Variants in KDM2B observed in about 807,000 individuals in gnomAD.
The protein encoded by KDM2B is lysine-specific demethylase 2B.
KDM2B carries 26 observed loss-of-function variants against 150.0 expected under a neutral mutation model. That is an observed-to-expected ratio of 0.17 (90% CI 0.13 to 0.24). The LOEUF is 0.24. Among genes scored for constraint, KDM2B ranks in the 10% least tolerant of loss-of-function variants. The pLI, the probability that KDM2B is intolerant of heterozygous loss-of-function variation, is 1.00. For synonymous variants in KDM2B, 734 were observed against 729.5 expected (o/e 1.01, Z -0.10); for missense variants, 1,265 against 1,816.9 (o/e 0.70, Z 5.52).
intron 9 of KDM2B, among the ~76,000 whole-genome samples, chr12:121,519,331 G>A (rs999656865): frequency 6.6e-6 from 1 of 152,214 alleles, no homozygotes; most frequent in South Asian, 2.1e-4. Flanking sequence ...GTGCCCTTGT[G>A]AGACCTCTCC....
At chr12:121,426,711 C>G (rs781813823), downstream of KDM2B, among the ~76,000 whole-genome samples, 2 of 150,794 alleles carry the variant, frequency 1.3e-5, no homozygotes, top group African/African-American at 4.9e-5. Flanking sequence ...TCGCAACCTC[C>G]GCTTCCCAGG....
At chr12:121,536,035 C>T in intron 6 of KDM2B, 1 of 985,666 alleles carries the variant, frequency 1.0e-6, no homozygotes, top group Non-Finnish European at 1.2e-6. Flanking sequence ...TTCCCCGCTG[C>T]ACTTTGCCTT....
At chr12:121,536,472 C>CA (rs1888108313) in intron 6 of KDM2B, among the ~76,000 whole-genome samples, 2 of 152,330 alleles carry the variant, frequency 1.3e-5, no homozygotes, top group South Asian at 4.1e-4. Flanking sequence ...ACACCGTCCT[C>CA]ACCTGTAGGC....
intron 22 of KDM2B, among the ~76,000 whole-genome samples, 153 bp downstream of exon 22, chr12:121,439,701 GTGT>G (rs1473589647): frequency 6.6e-6 from 1 of 152,158 alleles, no homozygotes; most frequent in Admixed American, 6.5e-5. Context: ...TTTGTTTACT[GTGT>G]TTCCCCCCTG....
chr12:121,467,474 C>A lies in KDM2B; in HGVS notation c.1735-14130G>T. 1 of 479,612 alleles carries A rather than the reference C, an allele frequency of 2.1e-6. No individual in the cohort carries two copies. Among genetic ancestry groups the A allele is most frequent in the Non-Finnish European group, 2.7e-6 (1 of 370,276 alleles). 29.7% of individuals were successfully genotyped at this position (479,612 alleles called of 1,614,324 possible). A position where few individuals can be genotyped will look rare whatever the true frequency, so the allele number is the denominator to read the frequency against. On this transcript the variant is annotated intron_variant, in intron 12 of 22. Coordinates refer to ENST00000377071, the MANE Select transcript of KDM2B (RefSeq NM_032590.5). The surrounding 1 kb of genome is among the most constrained non-coding windows in gnomAD (Gnocchi z 5.1). ...GGGCTGGCCCCCCGGGCGGGCGGGC[C>A]AATGGCGCGGCCGCGGCGCTGGGGC...
intron 19 of KDM2B, 65 bp from the exon 20 acceptor site, chr12:121,441,298 G>A: frequency 2.0e-6 from 3 of 1,500,020 alleles, no homozygotes; most frequent in Non-Finnish European, 2.7e-6. Context: ...CCCACACACA[G>A]CTCTTAACTG....
At chr12:121,471,181 T>C (rs1442809160) in intron 12 of KDM2B, among the ~76,000 whole-genome samples, 1 of 152,110 alleles carries the variant, frequency 6.6e-6, no homozygotes, top group African/African-American at 2.4e-5. Context: ...TGCTTTTGGG[T>C]GGCCCTCCCT....
At chr12:121,479,566 T>A (rs544928563) in intron 12 of KDM2B, among the ~76,000 whole-genome samples, 1 of 152,108 alleles carries the variant, frequency 6.6e-6, no homozygotes, top group African/African-American at 2.4e-5. Flanking sequence ...AGTTCGAGGC[T>A]GCAGTCAGCA....
At chr12:121,445,171 C>T (rs1203079424) in intron 14 of KDM2B, 104 bp downstream of exon 14, 2 of 1,387,798 alleles carry the variant, frequency 1.4e-6, no homozygotes, top group Admixed American at 1.9e-5. Flanking sequence ...AGGGGTCCTC[C>T]AGGAATTCAC....
At chr12:121,563,855 C>G (rs1594136970) in intron 4 of KDM2B, among the ~76,000 whole-genome samples, 1 of 151,796 alleles carries the variant, frequency 6.6e-6, no homozygotes, top group African/African-American at 2.4e-5. Flanking sequence ...CCAGATCACA[C>G]CACTGCACTC....
At chr12:121,571,573 C>T (rs781809912) in intron 4 of KDM2B, among the ~76,000 whole-genome samples, 2 of 151,940 alleles carry the variant, frequency 1.3e-5, no homozygotes, top group Non-Finnish European at 2.9e-5. Flanking sequence ...GGATTACAGG[C>T]GTGAGCCACC....
chr12:121,507,891 G>T (rs770331277), intron 11 of KDM2B, among the ~76,000 whole-genome samples: 3 of 152,066 alleles, frequency 2.0e-5, no homozygotes, highest in Non-Finnish European at 2.9e-5. Flanking sequence ...TGCACCTGTA[G>T]TCCCAGCTAC....
chr12:121,473,720 C>A (rs115679790), intron 12 of KDM2B, among the ~76,000 whole-genome samples: 430 of 122,374 alleles, frequency 3.5e-3, no homozygotes, highest in Middle Eastern at 0.017. Context: ...ACTCCCAACT[C>A]AAAAAAAAAA....
chr12:121,528,494 G>T (rs1197314841), intron 8 of KDM2B, among the ~76,000 whole-genome samples: 2 of 152,022 alleles, frequency 1.3e-5, no homozygotes, highest in African/African-American at 4.8e-5. Flanking sequence ...GGGAGGTGGA[G>T]GTTGCAGTGA....
At chr12:121,581,966 A>G (rs1891982685), upstream of KDM2B, among the ~76,000 whole-genome samples, 2 of 152,140 alleles carry the variant, frequency 1.3e-5, no homozygotes, top group African/African-American at 4.8e-5. Flanking sequence ...GTTTTCATTC[A>G]TGTTCACTAG....
chr12:121,426,315 A>G (rs1025997828), downstream of KDM2B, among the ~76,000 whole-genome samples: 1 of 152,126 alleles, frequency 6.6e-6, no homozygotes, highest in Non-Finnish European at 1.5e-5. Context: ...TTAGCCAGAT[A>G]ATAGAAATGT....
the KDM2B span, chr12:121,423,299 A>C: frequency 9.9e-7 from 1 of 1,013,260 alleles, no homozygotes; most frequent in South Asian, 1.6e-5. The surrounding 1 kb of genome is among the most constrained non-coding windows in gnomAD (Gnocchi z 4.3). Flanking sequence ...GTCATTCAGC[A>C]GGTGGCTGCT....
chr12:121,473,102 G>C (rs1880940036), intron 12 of KDM2B, among the ~76,000 whole-genome samples: 1 of 152,128 alleles, frequency 6.6e-6, no homozygotes, highest in African/African-American at 2.4e-5. Flanking sequence ...TTCAAAATGA[G>C]ATGACAGGTT....
chr12:121,526,896 G>A (rs1887184278), intron 8 of KDM2B, among the ~76,000 whole-genome samples: 1 of 151,978 alleles, frequency 6.6e-6, no homozygotes, highest in Non-Finnish European at 1.5e-5. Flanking sequence ...GCTGGGCGTG[G>A]TGGTGCACAC....
Sources: allele counts gnomAD v4.1 joint callset (sites outside exome capture counted in the v4.1 genomes callset), GRCh38; gene constraint gnomAD v4.1.1; non-coding constraint Gnocchi (gnomAD v3.1); transcripts MANE v1.5; gene names NCBI Gene and HGNC (gene_info 2026-07-23, HGNC 2026-07-21).